Variants in CACNA2D3 observed in about 807,000 individuals in gnomAD.
The protein encoded by CACNA2D3 is calcium voltage-gated channel auxiliary subunit alpha2delta 3.
Under a neutral mutation model 160.6 loss-of-function variants are expected in CACNA2D3, and 60 were observed. That is an observed-to-expected ratio of 0.37 (90% CI 0.30 to 0.46). The LOEUF (loss-of-function observed/expected upper bound fraction) is 0.46. CACNA2D3 is among the 20% of genes least tolerant of loss of function. The pLI, the probability that CACNA2D3 is intolerant of heterozygous loss-of-function variation, is 1.00. For synonymous variants in CACNA2D3, 558 were observed against 492.9 expected (o/e 1.13, Z -1.75); for missense variants, 1,205 against 1,365.0 (o/e 0.88, Z 1.85).
chr3:54,482,334 A>G (rs1265159166), intron 4 of CACNA2D3, among the ~76,000 whole-genome samples: 1 of 152,190 alleles, frequency 6.6e-6, no homozygotes, highest in Non-Finnish European at 1.5e-5. Flanking sequence ...TGCTTCCGTA[A>G]CACTTAGTTA....
chr3:54,226,027 C>G (rs954947266), intron 2 of CACNA2D3, among the ~76,000 whole-genome samples: 10 of 152,138 alleles, frequency 6.6e-5, no homozygotes, highest in African/African-American at 2.4e-4. Flanking sequence ...CTGGCCCTTA[C>G]CAGCAGGGTG....
chr3:54,462,071 A>C (rs1700515829), intron 4 of CACNA2D3, among the ~76,000 whole-genome samples: 2 of 151,992 alleles, frequency 1.3e-5, no homozygotes, highest in Non-Finnish European at 2.9e-5. Context: ...TTCAGTTTCC[A>C]TGTAGTTGAG....
At position 54,467,345 on chromosome 3, in the gene CACNA2D3, A is replaced by G. The variant is rs76800057; in HGVS notation, c.382-36147A>G. On this transcript the variant is annotated intron_variant, in intron 4 of 37. Coordinates refer to ENST00000474759, the MANE Select transcript of CACNA2D3 (RefSeq NM_018398.3). Reference sequence around the variant, plus strand: ...TGGGAAGAGTCTTGGAAATACATCAATGCTGCCTGAACCCACTTAGGCTCA... The same window carrying G: ...TGGGAAGAGTCTTGGAAATACATCAGTGCTGCCTGAACCCACTTAGGCTCA... Among the ~76,000 whole-genome samples, 1,356 of 152,300 alleles carry G rather than the reference A, an allele frequency of 8.9e-3. 10 individuals are homozygous for G. Among genetic ancestry groups the G allele is most frequent in the Non-Finnish European group, 0.013 (874 of 68,030 alleles).
At chr3:54,948,060 C>T (rs764248815) in intron 27 of CACNA2D3, among the ~76,000 whole-genome samples, 1 of 152,170 alleles carries the variant, frequency 6.6e-6, no homozygotes, top group East Asian at 1.9e-4. Context: ...AGACCTTCTA[C>T]GGAGGAGATG....
At chr3:54,631,751 C>G (rs1463938773) in intron 10 of CACNA2D3, among the ~76,000 whole-genome samples, 1 of 152,190 alleles carries the variant, frequency 6.6e-6, no homozygotes, top group Non-Finnish European at 1.5e-5. Flanking sequence ...CCTTCAAGCT[C>G]TTGATCTCTG....
At chr3:54,628,303 G>C (rs1699166468) in intron 10 of CACNA2D3, among the ~76,000 whole-genome samples, 1 of 152,236 alleles carries the variant, frequency 6.6e-6, no homozygotes, top group African/African-American at 2.4e-5. Flanking sequence ...TGGGACGGGA[G>C]AGTGAGACTG....
At chr3:54,425,561 C>G (rs899730380) in intron 4 of CACNA2D3, among the ~76,000 whole-genome samples, 3 of 152,234 alleles carry the variant, frequency 2.0e-5, no homozygotes, top group African/African-American at 7.2e-5. Context: ...CTGTTGTCCT[C>G]TCTCCAACCC....
At chr3:55,002,817 T>C (rs957771992) in intron 31 of CACNA2D3, among the ~76,000 whole-genome samples, 8 of 152,156 alleles carry the variant, frequency 5.3e-5, no homozygotes, top group Non-Finnish European at 1.2e-4. Flanking sequence ...TGGTCAAATG[T>C]GGCTGGTTTT....
intron 11 of CACNA2D3, among the ~76,000 whole-genome samples, chr3:54,725,551 A>G (rs1701260311): frequency 6.6e-6 from 1 of 152,220 alleles, no homozygotes. Flanking sequence ...AGCATATCAA[A>G]AAGCTTATCC....
intron 34 of CACNA2D3, among the ~76,000 whole-genome samples, chr3:55,013,301 C>A (rs909492228): frequency 6.6e-6 from 1 of 152,182 alleles, no homozygotes; most frequent in Admixed American, 6.5e-5. Flanking sequence ...GCCAAGACCT[C>A]CCTCAGCTAA....
chr3:54,681,570 A>AAT (rs1433470546), intron 11 of CACNA2D3, among the ~76,000 whole-genome samples: 2 of 151,766 alleles, frequency 1.3e-5, no homozygotes, highest in African/African-American at 4.8e-5. Context: ...AAAAAAAAAA[A>AAT]AAGAATAGTG....
intron 2 of CACNA2D3, among the ~76,000 whole-genome samples, chr3:54,134,977 G>C (rs1699789970): frequency 6.6e-6 from 1 of 152,232 alleles, no homozygotes; most frequent in Non-Finnish European, 1.5e-5. Flanking sequence ...ATCAACCTGG[G>C]GGAGGCAACT....
At chr3:55,030,099 C>T (rs1438379541) in intron 35 of CACNA2D3, among the ~76,000 whole-genome samples, 2 of 152,012 alleles carry the variant, frequency 1.3e-5, no homozygotes, top group African/African-American at 2.4e-5. Context: ...TCTTTACTTC[C>T]TTATATCTTG....
chr3:54,934,317 A>C (rs1312552520), intron 27 of CACNA2D3, among the ~76,000 whole-genome samples: 1 of 152,190 alleles, frequency 6.6e-6, no homozygotes, highest in Non-Finnish European at 1.5e-5. Flanking sequence ...AGGTGAGAAC[A>C]TAGTTCCCTC....
Position 54,426,360 on chromosome 3 carries a change from G to T in CACNA2D3, c.381+39586G>T, listed in dbSNP as rs180932635. Among the ~76,000 whole-genome samples, 13 of 152,280 alleles carry T rather than the reference G, an allele frequency of 8.5e-5. No individual in the cohort carries two copies. In the East Asian group the frequency reaches 2.5e-3, roughly 29 times the overall value. ...TAGCCTTCCGTCTTTGTTATAAACTGCACTTTAGAGATGTGTCATAATATT... is the reference window on the plus strand; with the variant it reads ...TAGCCTTCCGTCTTTGTTATAAACTTCACTTTAGAGATGTGTCATAATATT... On this transcript the variant is annotated intron_variant, in intron 4 of 37. Transcript: ENST00000474759.
Position 54,280,675 on chromosome 3 carries a change from A to G in CACNA2D3, c.205-39767A>G, listed in dbSNP as rs143044368. 1.1e-4 allele frequency among the ~76,000 whole-genome samples: 16 copies of G among 152,246 alleles called. No individual in the cohort carries two copies. In the East Asian group the frequency reaches 2.5e-3, roughly 24 times the overall value. The stretch of plus-strand genomic sequence containing the variant: ...CTCATACAGTTTCCCCCTCAAGTTT[A>G]GCAATAACAACCCTTCCCGACTCTG... On this transcript the variant is annotated intron_variant, in intron 2 of 37. Coordinates refer to ENST00000474759, the MANE Select transcript of CACNA2D3 (RefSeq NM_018398.3).
At chr3:54,522,929 T>C (rs58310271) in intron 5 of CACNA2D3, among the ~76,000 whole-genome samples, 18,589 of 103,824 alleles carry the variant, frequency 0.18, 1,231 homozygotes, top group Non-Finnish European at 0.19. Flanking sequence ...TATTTATTTA[T>C]TTATTTACTT....
chr3:54,450,412 A>G (rs72973156), intron 4 of CACNA2D3, among the ~76,000 whole-genome samples: 4,185 of 152,236 alleles, frequency 0.027, 191 homozygotes, highest in African/African-American at 0.096. Flanking sequence ...CTTAAGTCCA[A>G]AATCTCTGCT....
At chr3:54,467,641 CT>C (rs1170612721) in intron 4 of CACNA2D3, among the ~76,000 whole-genome samples, 8 of 152,096 alleles carry the variant, frequency 5.3e-5, no homozygotes, top group Non-Finnish European at 7.4e-5. Flanking sequence ...AGGAAAAATA[CT>C]GCATGATTTC....
Sources: allele counts gnomAD v4.1 joint callset (sites outside exome capture counted in the v4.1 genomes callset), GRCh38; gene constraint gnomAD v4.1.1; transcripts MANE v1.5; gene names NCBI Gene and HGNC (gene_info 2026-07-23, HGNC 2026-07-21).